The following FOXJ3 variants were observed in gnomAD, a reference collection of about 807,000 sequenced individuals.
The protein encoded by FOXJ3 is forkhead box J3, also known as forkhead box protein J3.
Under a neutral mutation model 76.1 loss-of-function variants are expected in FOXJ3, and 22 were observed. The ratio of observed to expected loss-of-function variants is 0.29; its 90% confidence interval spans 0.21 to 0.41. The LOEUF is 0.41. FOXJ3 is among the 10% of genes least tolerant of loss of function. The probability of loss-of-function intolerance (pLI) is 1.00; values close to 1 mark genes in which losing one functional copy is unlikely to be tolerated. For synonymous variants in FOXJ3, 269 were observed against 261.2 expected (o/e 1.03, Z -0.29); for missense variants, 613 against 762.1 (o/e 0.80, Z 2.30).
At chr1:42,212,439 G>A (rs1646983021) in intron 5 of FOXJ3, among the ~76,000 whole-genome samples, 1 of 152,042 alleles carries the variant, frequency 6.6e-6, no homozygotes, top group Admixed American at 6.6e-5. Flanking sequence ...ACAAAATGTG[G>A]TAGAAAGTTT....
chr1:42,299,343 C>T (rs1653984800), intron 2 of FOXJ3, among the ~76,000 whole-genome samples: 2 of 150,122 alleles, frequency 1.3e-5, no homozygotes, highest in Non-Finnish European at 3.0e-5. Context: ...TGTATCAAAC[C>T]CTTTATCATT....
chr1:42,190,063 A>C (rs894249419), intron 9 of FOXJ3, among the ~76,000 whole-genome samples: 1 of 152,212 alleles, frequency 6.6e-6, no homozygotes, highest in Admixed American at 6.5e-5. Context: ...ACGTCAGGGC[A>C]TTTTTAGTCA....
chr1:42,225,489 A>G (rs1225391543), intron 5 of FOXJ3, among the ~76,000 whole-genome samples: 2 of 152,210 alleles, frequency 1.3e-5, no homozygotes, highest in Non-Finnish European at 2.9e-5. Flanking sequence ...ATGTTCCATA[A>G]GAACACTATA....
chr1:42,291,218 T>C (rs1653415233), intron 2 of FOXJ3, among the ~76,000 whole-genome samples: 2 of 152,118 alleles, frequency 1.3e-5, no homozygotes, highest in South Asian at 4.2e-4. Flanking sequence ...AAATTAACAA[T>C]GACCCTTACA....
chr1:42,273,988 C>G (rs1051710644), intron 3 of FOXJ3, among the ~76,000 whole-genome samples: 4 of 152,098 alleles, frequency 2.6e-5, no homozygotes, highest in Admixed American at 1.3e-4. Context: ...TTGCTTTCCC[C>G]ATTTACGTCA....
At chr1:42,189,229 A>G in intron 10 of FOXJ3, 74 bp downstream of exon 10, 1 of 965,782 alleles carries the variant, frequency 1.0e-6, no homozygotes, top group East Asian at 2.4e-5. Context: ...TTTCTACTAC[A>G]AAGAAAGTTA....
intron 4 of FOXJ3, among the ~76,000 whole-genome samples, chr1:42,228,521 A>C (rs1480114163): frequency 6.8e-6 from 1 of 147,096 alleles, no homozygotes; most frequent in Non-Finnish European, 1.5e-5. Context: ...GAAAATATGT[A>C]TGGAGCACCT....
At chr1:42,218,560 A>T (rs1486435308) in intron 5 of FOXJ3, among the ~76,000 whole-genome samples, 1 of 152,218 alleles carries the variant, frequency 6.6e-6, no homozygotes, top group Non-Finnish European at 1.5e-5. Flanking sequence ...CTTTTATAAC[A>T]ATGCATTATA....
intron 2 of FOXJ3, among the ~76,000 whole-genome samples, chr1:42,293,845 A>G (rs1035583239): frequency 6.6e-6 from 1 of 151,676 alleles, no homozygotes. Flanking sequence ...GGTGTTAATA[A>G]AACTGTGAAG....
At chr1:42,305,825 A>G (rs1454977639) in intron 2 of FOXJ3, among the ~76,000 whole-genome samples, 1 of 152,210 alleles carries the variant, frequency 6.6e-6, no homozygotes, top group Admixed American at 6.5e-5. Flanking sequence ...ACAGTCAGTA[A>G]TAATTTAATT....
Position 42,188,856 on chromosome 1 carries a change from C to A in FOXJ3, c.1526G>T (p.Cys509Phe). 1 of 1,613,280 alleles carries A rather than the reference C, an allele frequency of 6.2e-7. No individual in the cohort carries two copies. The highest frequency in any genetic ancestry group is 8.5e-7 in the Non-Finnish European group (1 of 1,179,442). ...SLDQVQFADLCSSLNQFFTQT... is the reference protein window; with the variant it reads ...SLDQVQFADLFSSLNQFFTQT... Reference sequence around the variant, plus strand: ...TGTAAAGAACTGATTAAGAGAAGAACAAAGATCGGCAAACTGAACCTGGTC... The same window carrying A: ...TGTAAAGAACTGATTAAGAGAAGAAAAAAGATCGGCAAACTGAACCTGGTC... The change falls in exon 11 of 13, where the codon TGT (cysteine) becomes TTT (phenylalanine). Residue 509 changes from cysteine (C) to phenylalanine (F), a missense_variant. Cys to Phe is a radical substitution (Grantham distance 205, BLOSUM62 -2). Around this residue, in one of 3 missense-constraint regions of FOXJ3, gnomAD observed 526 missense variants for 601.4 expected, o/e 0.87. Coordinates refer to ENST00000361346, the MANE Select transcript of FOXJ3 (RefSeq NM_014947.5).
intron 8 of FOXJ3, among the ~76,000 whole-genome samples, chr1:42,193,137 A>G (rs1350180350): frequency 1.3e-5 from 2 of 152,166 alleles, no homozygotes; most frequent in African/African-American, 4.8e-5. Flanking sequence ...TATAAAACTG[A>G]TAAGTATAAT....
intron 7 of FOXJ3, among the ~76,000 whole-genome samples, chr1:42,196,490 C>T (rs543948802): frequency 7.2e-5 from 11 of 152,188 alleles, no homozygotes; most frequent in South Asian, 6.2e-4. Flanking sequence ...GTCAGAAGTT[C>T]GAGACCAGCC....
chr1:42,293,271 T>C (rs1653563334), intron 2 of FOXJ3, among the ~76,000 whole-genome samples: 1 of 119,320 alleles, frequency 8.4e-6, no homozygotes, highest in Admixed American at 8.6e-5. Flanking sequence ...TTTAAAACTT[T>C]CTTGCTCTAA....
intron 3 of FOXJ3, among the ~76,000 whole-genome samples, chr1:42,269,756 C>G (rs1209344655): frequency 1.3e-5 from 2 of 152,168 alleles, no homozygotes; most frequent in African/African-American, 4.8e-5. Context: ...TAACTCCTGT[C>G]TCTTCCTTAC....
At chr1:42,265,215 A>C in intron 3 of FOXJ3, 26 bp from the exon 4 acceptor site, 2 of 1,321,704 alleles carry the variant, frequency 1.5e-6, no homozygotes, top group Non-Finnish European at 2.1e-6. Flanking sequence ...AAAAGCCATA[A>C]GGTCAATAAA....
intron 1 of FOXJ3, among the ~76,000 whole-genome samples, chr1:42,333,188 A>G (rs1181404929): frequency 6.6e-6 from 1 of 152,178 alleles, no homozygotes; most frequent in East Asian, 1.9e-4. Context: ...TAAAATCTAT[A>G]TTTAAATATT....
At position 42,181,980 on chromosome 1, in the gene FOXJ3, T is replaced by G; in HGVS notation, c.1690A>C (p.Met564Leu). The change falls in exon 12 of 13, where the codon ATG (methionine) becomes CTG (leucine). Residue 564 changes from methionine (M) to leucine (L), a missense_variant. Transcript: ENST00000361346. ...ATATGAGGATAACCAGGGGGTGGCA[T>G]CACTGAAGGAGGGAGATTTTGCCTA... ...DSRQNLPPSV[M>L]PPPGYPHIPQ... The G allele has an allele frequency of 6.2e-7, 1 of 1,613,530 alleles. No individual in the cohort carries two copies. Among genetic ancestry groups the G allele is most frequent in the Non-Finnish European group, 8.5e-7 (1 of 1,179,706 alleles).
chr1:42,201,667 G>T lies in FOXJ3; in HGVS notation c.631-2437C>A, dbSNP rs1021474805. Among the ~76,000 whole-genome samples, 11 of 152,226 alleles carry T rather than the reference G, an allele frequency of 7.2e-5. 2 individuals carry two copies. The highest frequency in any genetic ancestry group is 3.4e-3 in the Middle Eastern group (1 of 294). On this transcript the variant is annotated intron_variant, in intron 6 of 12. Coordinates refer to ENST00000361346, the MANE Select transcript of FOXJ3 (RefSeq NM_014947.5). ...TTTAATACCTATGCTCATGAGACTG[G>T]CTGAAAATTTCCTTTCTTGTAAAGT...
Sources: allele counts gnomAD v4.1 joint callset (sites outside exome capture counted in the v4.1 genomes callset), GRCh38; gene constraint gnomAD v4.1.1; regional missense constraint gnomAD v4.1.1; transcripts MANE v1.5; gene names NCBI Gene and HGNC (gene_info 2026-07-23, HGNC 2026-07-21).